XRN1: variants seen among roughly 807,000 people sequenced by gnomAD.
The protein encoded by XRN1 is 5'-3' exoribonuclease 1, also known as strand-exchange protein 1 homolog.
A neutral mutation model predicts 222.3 loss-of-function variants in XRN1; 67 were observed. The ratio of observed to expected loss-of-function variants is 0.30; its 90% CI spans 0.25 to 0.37. XRN1 has a LOEUF of 0.37. Among genes scored for constraint, XRN1 ranks in the 10% least tolerant of loss-of-function variants. The pLI, the probability that XRN1 is intolerant of heterozygous loss-of-function variation, is 1.00. For missense variants in XRN1, 1,707 were observed against 2,000.2 expected, an observed-to-expected ratio of 0.85 and a Z score of 2.80; for synonymous variants, 643 against 652.4, an observed-to-expected ratio of 0.99 and a Z score of 0.22.
chr3:142,364,325 T>A (rs917149798), intron 29 of XRN1, among the ~76,000 whole-genome samples: 9 of 152,206 alleles, frequency 5.9e-5, no homozygotes, highest in African/African-American at 2.2e-4. Flanking sequence ...ATGATGCTGC[T>A]TCATGCTGGC....
At chr3:142,405,113 A>G in intron 15 of XRN1, 37 bp from the exon 16 acceptor site, 4 of 1,581,934 alleles carry the variant, frequency 2.5e-6, no homozygotes, top group Non-Finnish European at 3.5e-6. Flanking sequence ...TTACAAGCAT[A>G]AAAATTCCAT....
At chr3:142,419,182 G>A (rs2068904601) in intron 10 of XRN1, among the ~76,000 whole-genome samples, 1 of 152,140 alleles carries the variant, frequency 6.6e-6, no homozygotes, top group Non-Finnish European at 1.5e-5. Context: ...CCTGCACAGT[G>A]TCTCTAAAGT....
chr3:142,432,992 A>G, intron 1 of XRN1, 99 bp from the exon 2 acceptor site: 2 of 898,644 alleles, frequency 2.2e-6, no homozygotes, highest in East Asian at 5.3e-5. Context: ...GAAAAGCAGG[A>G]TTTGTGTATT....
Position 142,421,378 on chromosome 3 carries a change from T to C in XRN1, c.1035+98A>G, listed in dbSNP as rs1311401802. On this transcript the variant is annotated intron_variant, in intron 9 of 40. Transcript: ENST00000392981. ...GTTTATATTGAATAAGCAATTGGAA[T>C]AGAATTATAAAACCCCTTTCTTCTG... 5.9e-6 allele frequency: 6 copies of C among 1,022,260 alleles called. No homozygotes were observed. In the Admixed American group the frequency reaches 9.3e-5, roughly 16 times the overall value. 63.3% of individuals were successfully genotyped at this position (1,022,260 alleles called of 1,614,324 possible). A position where few individuals can be genotyped will look rare whatever the true frequency, so the allele number is the denominator to read the frequency against.
At chr3:142,366,170 T>G (rs1206874548) in intron 27 of XRN1, among the ~76,000 whole-genome samples, 1 of 152,246 alleles carries the variant, frequency 6.6e-6, no homozygotes, top group East Asian at 1.9e-4. Context: ...TGAGAAAAAT[T>G]TATATCCTTT....
rs1187963795 is a variant in XRN1, at chr3:142,332,536, T to G, written c.4063-2A>C. The G allele has an allele frequency of 6.2e-7, 1 of 1,604,190 alleles. No homozygotes were observed. Among genetic ancestry groups the G allele is most frequent in the South Asian group, 1.1e-5 (1 of 89,542 alleles). Reference sequence around the variant, plus strand: ...TTCTTTAAGCATCCGTGTTCCCTTCTTTTTGAAAATGATTCACATGGAGAT... The same window carrying G: ...TTCTTTAAGCATCCGTGTTCCCTTCGTTTTGAAAATGATTCACATGGAGAT... On this transcript the variant is annotated splice_acceptor_variant, in intron 35 of 40. Transcript: ENST00000392981. LOFTEE classifies it high-confidence loss of function.
intron 33 of XRN1, among the ~76,000 whole-genome samples, chr3:142,340,600 AAAG>A (rs1254665311): frequency 1.3e-5 from 2 of 152,172 alleles, no homozygotes; most frequent in Non-Finnish European, 2.9e-5. Flanking sequence ...GATTTAACCC[AAAG>A]AAGACTACCT....
intron 15 of XRN1, 47 bp from the exon 16 acceptor site, chr3:142,405,123 T>C: frequency 2.5e-6 from 4 of 1,569,466 alleles, no homozygotes; most frequent in African/African-American, 2.7e-5. Context: ...AAAAATTCCA[T>C]AATCTCAACA....
chr3:142,339,648 AC>A (rs1202528873), intron 33 of XRN1, among the ~76,000 whole-genome samples: 1 of 152,146 alleles, frequency 6.6e-6, no homozygotes, highest in African/African-American at 2.4e-5. Flanking sequence ...ATTCAAAATA[AC>A]TGTTTTGGTC....
At chr3:142,382,192 T>C (rs1263063721) in intron 22 of XRN1, among the ~76,000 whole-genome samples, 1 of 152,132 alleles carries the variant, frequency 6.6e-6, no homozygotes, top group Non-Finnish European at 1.5e-5. Context: ...AGGAGATACA[T>C]TCTAAGACCA....
At chr3:142,389,040 C>G (rs998145604) in intron 20 of XRN1, among the ~76,000 whole-genome samples, 1 of 152,168 alleles carries the variant, frequency 6.6e-6, no homozygotes, top group East Asian at 1.9e-4. Context: ...AATGGCAAAA[C>G]TCTGTCTCTA....
chr3:142,421,567 C>T, intron 8 of XRN1, 24 bp from the exon 9 acceptor site: 1 of 1,537,358 alleles, frequency 6.5e-7, no homozygotes, highest in Non-Finnish European at 8.9e-7. Flanking sequence ...AAATTTAAAT[C>T]TGTACTAAAA....
chr3:142,323,794 T>C (rs1472290813), intron 37 of XRN1, among the ~76,000 whole-genome samples: 1 of 151,744 alleles, frequency 6.6e-6, no homozygotes, highest in African/African-American at 2.4e-5. Flanking sequence ...TGACACCCCA[T>C]CTCTTTAAAA....
chr3:142,365,656 G>C (rs1222780256), intron 27 of XRN1, among the ~76,000 whole-genome samples: 1 of 152,082 alleles, frequency 6.6e-6, no homozygotes, highest in Non-Finnish European at 1.5e-5. Context: ...CTTTTATAGT[G>C]TATCTATGTA....
chr3:142,340,549 T>C (rs1168646266), intron 33 of XRN1, among the ~76,000 whole-genome samples: 1 of 152,004 alleles, frequency 6.6e-6, no homozygotes, highest in Non-Finnish European at 1.5e-5. Flanking sequence ...TAGAGAAAGG[T>C]ATCAATATCC....
At chr3:142,340,796 T>C (rs2107786382) in intron 33 of XRN1, among the ~76,000 whole-genome samples, 1 of 151,994 alleles carries the variant, frequency 6.6e-6, no homozygotes. Context: ...AAGGAAAAAA[T>C]TTTTTACCCT....
At chr3:142,417,287 G>T in intron 12 of XRN1, 58 bp from the exon 13 acceptor site, 1 of 1,433,314 alleles carries the variant, frequency 7.0e-7, no homozygotes, top group Non-Finnish European at 9.8e-7. Context: ...CGTGTCTTTA[G>T]AGCACGGTAT....
intron 27 of XRN1, among the ~76,000 whole-genome samples, chr3:142,366,567 T>C (rs1439105580): frequency 6.6e-6 from 1 of 152,130 alleles, no homozygotes; most frequent in Non-Finnish European, 1.5e-5. Context: ...AAGGAAGATA[T>C]ATAGCATGCT....
In XRN1 at chr3:142,357,079, A is replaced by G; in HGVS notation, c.3505T>C (p.Leu1169=). 1.2e-6 allele frequency: 2 copies of G among 1,613,720 alleles called. No individual in the cohort carries two copies. Among genetic ancestry groups the G allele is most frequent in the Non-Finnish European group, 1.7e-6 (2 of 1,179,846 alleles). Residue 1169 remains leucine, a synonymous_variant, in exon 31 of 41, where the codon TTG becomes CTG. Transcript: ENST00000392981. The stretch of plus-strand genomic sequence containing the variant: ...CGACTCCCATGAGAAAGGTTCACCA[A>G]GGCACTTGTTGGCAGTCGATAACCT... The part of the protein sequence containing the change: ...GRGYRLPTSA[L]VNLSHGSRSE...
Sources: gnomAD v4.1 joint callset for allele counts (sites outside exome capture counted in the v4.1 genomes callset) on GRCh38, gnomAD v4.1.1 for gene constraint, MANE v1.5 for transcripts, NCBI Gene and HGNC (gene_info 2026-07-23, HGNC 2026-07-21) for gene names.